CABIN1: variants seen among roughly 807,000 people sequenced by gnomAD.
The protein encoded by CABIN1 is calcineurin binding protein 1, also known as calcineurin-binding protein cabin-1.
Under a neutral mutation model 227.7 loss-of-function variants are expected in CABIN1, and 133 were observed. The observed-to-expected ratio is 0.58, with a 90% CI of 0.51 to 0.67. CABIN1 has a LOEUF of 0.67. CABIN1 is among the 30% of genes least tolerant of loss of function. CABIN1 has a pLI of 0.00. For synonymous variants in CABIN1, 1,086 were observed against 1,155.1 expected (o/e 0.94, Z 1.21); for missense variants, 2,408 against 2,852.5 (o/e 0.84, Z 3.55).
chr22:24,050,970 T>G lies in CABIN1; in HGVS notation c.802T>G (p.Phe268Val), dbSNP rs567587957. The change falls in exon 8 of 37, where the codon TTC (phenylalanine) becomes GTC (valine). Residue 268 changes from phenylalanine (F) to valine (V), a missense_variant. Physicochemically the swap from Phe to Val is conservative, Grantham distance 50 (BLOSUM62 -1). Around this residue, in one of 3 missense-constraint regions of CABIN1, gnomAD observed 1,045 missense variants for 1,168.4 expected, o/e 0.89. Coordinates refer to ENST00000263119, the MANE Select transcript of CABIN1 (RefSeq NM_012295.4). The stretch of plus-strand genomic sequence containing the variant: ...GAAACTTGTGCAGCCCATTCCTTTC[T>G]TCACGTAGGTTGTCTAGCGTCTCTG... ...DLKLVQPIPFFTWKCLGESLL... is the reference protein window; with the variant it reads ...DLKLVQPIPFVTWKCLGESLL... 1 of 1,614,200 alleles carries G rather than the reference T, an allele frequency of 6.2e-7. No homozygotes were observed. The highest frequency in any genetic ancestry group is 1.3e-5 in the African/African-American group (1 of 75,064).
In CABIN1 at chr22:24,043,157, A is replaced by T. The variant is rs1276038749; in HGVS notation, c.526+73A>T. On this transcript the variant is annotated intron_variant, in intron 6 of 36. Transcript: ENST00000263119. Reference sequence around the variant, plus strand: ...ACAGCAGAGGAAAGGCAGTTTGGGTAAACTGAAAGCCAAAGTTAACACTGA... The same window carrying T: ...ACAGCAGAGGAAAGGCAGTTTGGGTTAACTGAAAGCCAAAGTTAACACTGA... 3 of 1,425,692 alleles carry T rather than the reference A, an allele frequency of 2.1e-6. No individual in the cohort carries two copies. The African/African-American group carries it at 4.2e-5, about 20-fold the overall frequency. The allele number at this position is 1,425,692 out of a possible 1,614,324, so 88.3% of individuals were successfully genotyped here.
At chr22:24,028,035 G>A (rs1265957207) in intron 1 of CABIN1, among the ~76,000 whole-genome samples, 1 of 151,638 alleles carries the variant, frequency 6.6e-6, no homozygotes, top group Non-Finnish European at 1.5e-5. Context: ...TCACAATAAA[G>A]CAAGTCACAC....
In CABIN1 at chr22:24,116,500, A is replaced by C. The variant is rs1318955187; in HGVS notation, c.4300+2752A>C. On this transcript the variant is annotated intron_variant, in intron 27 of 36. Coordinates refer to ENST00000263119, the MANE Select transcript of CABIN1 (RefSeq NM_012295.4). ...GGTGGGGGGAGGCCACCCTGGGGGC[A>C]GTTGACCTGCCAATGCCCAGCTTCC... Among the ~76,000 whole-genome samples, 7 of 152,374 alleles carry C rather than the reference A, an allele frequency of 4.6e-5. No homozygotes were observed. In the South Asian group the frequency reaches 8.3e-4, roughly 18 times the overall value.
chr22:24,154,276 C>T (rs1374640376), intron 29 of CABIN1, among the ~76,000 whole-genome samples: 2 of 152,110 alleles, frequency 1.3e-5, no homozygotes, highest in African/African-American at 2.4e-5. Flanking sequence ...CGCTTTGGTC[C>T]TCGTGTCTGC....
At chr22:24,131,740 A>G (rs973919769) in intron 28 of CABIN1, among the ~76,000 whole-genome samples, 2 of 152,118 alleles carry the variant, frequency 1.3e-5, no homozygotes, top group African/African-American at 4.8e-5. Flanking sequence ...GCCTACCTCC[A>G]TGGTCAGATG....
chr22:24,101,114 C>T (rs2042178080), intron 26 of CABIN1, among the ~76,000 whole-genome samples: 1 of 152,126 alleles, frequency 6.6e-6, no homozygotes. Context: ...GGTTTCCTAC[C>T]CCCACAGAAC....
chr22:24,152,451 T>C (rs1052371952), intron 29 of CABIN1, among the ~76,000 whole-genome samples: 11 of 152,250 alleles, frequency 7.2e-5, no homozygotes, highest in African/African-American at 2.6e-4. Flanking sequence ...ACTGGCTGAC[T>C]CGGAACTGTA....
chr22:24,178,350 C>T lies in CABIN1; in HGVS notation c.*154C>T, dbSNP rs894372753. The T allele has an allele frequency of 8.6e-6, 8 of 925,056 alleles. No individual in the cohort carries two copies. Among genetic ancestry groups the T allele is most frequent in the African/African-American group, 1.6e-5 (1 of 60,814 alleles). The allele number at this position is 925,056 out of a possible 1,614,324, so 57.3% of individuals were successfully genotyped here. On this transcript the variant is annotated 3_prime_UTR_variant, in exon 37 of 37. Transcript: ENST00000263119. ...CAGCCCACCTCCTCATGGCATCCTC[C>T]CTGTACCCAGGTCAGGCTGTCCACA...
At chr22:24,131,439 A>G (rs1186991199) in intron 28 of CABIN1, among the ~76,000 whole-genome samples, 1 of 152,164 alleles carries the variant, frequency 6.6e-6, no homozygotes, top group East Asian at 1.9e-4. Flanking sequence ...AAGGGTATAC[A>G]CAGGCTCAGT....
intron 26 of CABIN1, among the ~76,000 whole-genome samples, chr22:24,110,145 T>G (rs2147722680): frequency 6.6e-6 from 1 of 152,356 alleles, no homozygotes; most frequent in Middle Eastern, 3.4e-3. Context: ...CACTCCAGCC[T>G]GGGCAACACA....
At position 24,038,448 on chromosome 22, in the gene CABIN1, G is replaced by T. The variant is rs2037098881; in HGVS notation, c.197G>T (p.Ser66Ile). 1 of 1,613,098 alleles carries T rather than the reference G, an allele frequency of 6.2e-7. No homozygotes were observed. Residue 66 changes from serine (S) to isoleucine (I), a missense_variant, in exon 4 of 37, where the codon AGC (serine) becomes ATC (isoleucine). This residue lies in a region of CABIN1 where 1,045 missense variants were observed against 1,168.4 expected (regional missense o/e 0.89). Transcript: ENST00000263119. The stretch of plus-strand genomic sequence containing the variant: ...GCCTACCATGAGCTCTTGGAGGCGA[G>T]CCTGCTGCGGGAGGTGAGGCATCAG... Reference protein sequence around the residue: ...AKAYHELLEASLLREAVSSGD... With the variant: ...AKAYHELLEAILLREAVSSGD...
At chr22:24,108,485 A>G (rs1458117722) in intron 26 of CABIN1, among the ~76,000 whole-genome samples, 2 of 152,200 alleles carry the variant, frequency 1.3e-5, no homozygotes, top group Non-Finnish European at 2.9e-5. Context: ...AGCCTTTCAC[A>G]AGCGTGAGAG....
intron 28 of CABIN1, among the ~76,000 whole-genome samples, chr22:24,119,977 C>T (rs1234531456): frequency 6.6e-6 from 1 of 151,956 alleles, no homozygotes; most frequent in Non-Finnish European, 1.5e-5. Flanking sequence ...GATAAGGGTC[C>T]ATAGGCTCAA....
intron 28 of CABIN1, among the ~76,000 whole-genome samples, chr22:24,122,277 C>T (rs1040765329): frequency 2.0e-5 from 3 of 152,128 alleles, no homozygotes; most frequent in Non-Finnish European, 4.4e-5. Flanking sequence ...TCTCTTGGGT[C>T]TAGTACAGGT....
At chr22:24,072,212 G>A (rs1373307638) in intron 17 of CABIN1, 142 bp from the exon 18 acceptor site, 1 of 768,758 alleles carries the variant, frequency 1.3e-6, no homozygotes, top group South Asian at 1.5e-5. Context: ...GGATCTGCTA[G>A]GTTACAGTGC....
intron 13 of CABIN1, among the ~76,000 whole-genome samples, chr22:24,062,346 A>ATTTTTT (rs35757164): frequency 3.1e-5 from 3 of 96,540 alleles, no homozygotes; most frequent in East Asian, 2.7e-4. Context: ...GGTGATACGG[A>ATTTTTT]TTTTTTTTTT....
chr22:24,115,978 C>A (rs2043061133), intron 27 of CABIN1, among the ~76,000 whole-genome samples: 1 of 152,220 alleles, frequency 6.6e-6, no homozygotes, highest in African/African-American at 2.4e-5. Context: ...ATCTGACTGC[C>A]ACATCCTGCC....
chr22:24,054,875 G>A lies in CABIN1; in HGVS notation c.809G>A (p.Trp270Ter). Reference protein sequence around the residue: ...KLVQPIPFFTWKCLGESLLAM... With the variant: ...KLVQPIPFFT The stretch of plus-strand genomic sequence containing the variant: ...GTGTTGTGGCCCTCTCCCTTTAGCT[G>A]GAAGTGCCTCGGAGAGAGCTTGCTG... The change falls in exon 9 of 37, where the codon TGG (tryptophan) becomes TAG (stop). Residue 270 changes from tryptophan (W) to a stop codon, truncating the protein, a stop_gained and splice_region_variant. Coordinates refer to ENST00000263119, the MANE Select transcript of CABIN1 (RefSeq NM_012295.4). LOFTEE classifies it high-confidence loss of function. The A allele has an allele frequency of 1.2e-6, 2 of 1,614,198 alleles. No homozygotes were observed. Among genetic ancestry groups the A allele is most frequent in the Non-Finnish European group, 1.7e-6 (2 of 1,180,038 alleles).
chr22:24,066,865 C>A, intron 15 of CABIN1, 122 bp from the exon 16 acceptor site: 1 of 905,520 alleles, frequency 1.1e-6, no homozygotes, highest in Non-Finnish European at 1.8e-6. Context: ...TTTTTTTGGG[C>A]TGGAACATAG....
Sources: gnomAD v4.1 joint callset for allele counts (sites outside exome capture counted in the v4.1 genomes callset) on GRCh38, gnomAD v4.1.1 for gene constraint, gnomAD v4.1.1 regional missense constraint, MANE v1.5 for transcripts, NCBI Gene and HGNC (gene_info 2026-07-23, HGNC 2026-07-21) for gene names.